Variants in SPOCK3 observed in about 807,000 individuals in gnomAD.
SPOCK3 encodes SPARC (osteonectin), cwcv and kazal like domains proteoglycan 3.
A neutral mutation model predicts 56.6 loss-of-function variants in SPOCK3; 30 were observed. That is an observed-to-expected ratio of 0.53 (90% CI 0.40 to 0.72). SPOCK3 has a LOEUF of 0.72. Ranked by LOEUF, SPOCK3 falls within the 30% of genes least tolerant of loss-of-function variation. SPOCK3 has a pLI of 0.00. For synonymous variants in SPOCK3, 196 were observed against 183.3 expected, an observed-to-expected ratio of 1.07 and a Z score of -0.56; for missense variants, 527 against 530.0, an observed-to-expected ratio of 0.99 and a Z score of 0.06.
At chr4:167,013,608 G>A (rs1403388071) in intron 3 of SPOCK3, among the ~76,000 whole-genome samples, 1 of 151,550 alleles carries the variant, frequency 6.6e-6, no homozygotes, top group Non-Finnish European at 1.5e-5. Context: ...ATATAATAAA[G>A]ATGAAGATAC....
intron 5 of SPOCK3, among the ~76,000 whole-genome samples, chr4:166,905,751 T>C (rs1441667939): frequency 6.6e-6 from 1 of 151,876 alleles, no homozygotes; most frequent in African/African-American, 2.4e-5. Context: ...GACAAAACAT[T>C]ACTAGAAATA....
chr4:167,217,766 G>T (rs1413149336), intron 2 of SPOCK3, among the ~76,000 whole-genome samples: 1 of 151,968 alleles, frequency 6.6e-6, no homozygotes, highest in Non-Finnish European at 1.5e-5. Context: ...TATAACATGT[G>T]CCCAACTTAA....
chr4:166,932,395 C>T (rs974448901), intron 4 of SPOCK3, among the ~76,000 whole-genome samples: 3 of 152,236 alleles, frequency 2.0e-5, no homozygotes, highest in African/African-American at 4.8e-5. Context: ...TAATATCATG[C>T]TTTTCCCTCA....
chr4:167,222,983 TTATATTTTATATATGAATA>T (rs1447012550), intron 2 of SPOCK3, among the ~76,000 whole-genome samples: 1 of 126,222 alleles, frequency 7.9e-6, no homozygotes, highest in Non-Finnish European at 1.6e-5. Flanking sequence ...TGAATATATA[TTATATTTTATATATGAATA>T]TATATTTTAT....
chr4:167,097,009 C>T (rs1443785244), intron 2 of SPOCK3, among the ~76,000 whole-genome samples: 2 of 151,636 alleles, frequency 1.3e-5, no homozygotes, highest in African/African-American at 2.4e-5. Flanking sequence ...TTGTGTAATG[C>T]CCCCCTCTAT....
At position 166,734,139 on chromosome 4, in the gene SPOCK3, T is replaced by G. The variant is rs912962548; in HGVS notation, c.*782A>C. 2 of 151,908 alleles carry G rather than the reference T, an allele frequency of 1.3e-5. No homozygotes were observed. Among genetic ancestry groups the G allele is most frequent in the African/African-American group, 4.8e-5 (2 of 41,434 alleles). 9.4% of individuals were successfully genotyped at this position (151,908 alleles called of 1,614,324 possible). On this transcript the variant is annotated 3_prime_UTR_variant, in exon 11 of 11. Coordinates refer to ENST00000357545, the MANE Select transcript of SPOCK3 (RefSeq NM_001040159.2). Reference sequence around the variant, plus strand: ...TTTCCCTTTGTCTTCCTAATTTAAATTCTGCTCCCTAAGTTGCTGGTCAGA... The same window carrying G: ...TTTCCCTTTGTCTTCCTAATTTAAAGTCTGCTCCCTAAGTTGCTGGTCAGA...
intron 6 of SPOCK3, among the ~76,000 whole-genome samples, chr4:166,857,196 A>G (rs1730782078): frequency 6.6e-6 from 1 of 152,224 alleles, no homozygotes; most frequent in Admixed American, 6.5e-5. Flanking sequence ...CTCTCTGTTT[A>G]TCCAGCTCAC....
chr4:167,080,356 TTTGA>T (rs1397657784), intron 2 of SPOCK3, among the ~76,000 whole-genome samples: 1 of 152,082 alleles, frequency 6.6e-6, no homozygotes, highest in Non-Finnish European at 1.5e-5. Context: ...AATTAGTTAT[TTTGA>T]TTGATTAACT....
intron 5 of SPOCK3, among the ~76,000 whole-genome samples, chr4:166,909,119 A>G (rs1045324970): frequency 6.6e-6 from 1 of 152,082 alleles, no homozygotes; most frequent in Non-Finnish European, 1.5e-5. Context: ...AAATGTCCCA[A>G]GATTTTTTCA....
chr4:166,920,133 C>G (rs17052671), intron 4 of SPOCK3, among the ~76,000 whole-genome samples: 1 of 151,922 alleles, frequency 6.6e-6, no homozygotes, highest in Non-Finnish European at 1.5e-5. Context: ...ATCCTTTCCA[C>G]TGGGCCATTT....
At chr4:167,121,970 A>T (rs1281499526) in intron 2 of SPOCK3, among the ~76,000 whole-genome samples, 1 of 151,954 alleles carries the variant, frequency 6.6e-6, no homozygotes, top group African/African-American at 2.4e-5. Context: ...ACAAAAAGAA[A>T]CCTGTGAATT....
intron 3 of SPOCK3, among the ~76,000 whole-genome samples, chr4:167,008,652 A>G (rs1002760769): frequency 6.6e-6 from 1 of 152,186 alleles, no homozygotes; most frequent in Non-Finnish European, 1.5e-5. Flanking sequence ...GTAAGACTAT[A>G]CAGCCATAAG....
intron 3 of SPOCK3, among the ~76,000 whole-genome samples, chr4:167,041,638 G>A (rs1156649156): frequency 6.6e-6 from 1 of 152,004 alleles, no homozygotes; most frequent in Non-Finnish European, 1.5e-5. Flanking sequence ...CTCTAACAAG[G>A]GGCAAAATCA....
At chr4:166,893,420 C>A (rs573610426) in intron 5 of SPOCK3, among the ~76,000 whole-genome samples, 5 of 151,938 alleles carry the variant, frequency 3.3e-5, no homozygotes, top group African/African-American at 9.7e-5. Context: ...TCAGCTAAAG[C>A]GAGAAAAGAT....
At chr4:167,049,447 C>G (rs563088411) in intron 3 of SPOCK3, among the ~76,000 whole-genome samples, 1 of 152,256 alleles carries the variant, frequency 6.6e-6, no homozygotes, top group African/African-American at 2.4e-5. Context: ...ACACACTAGA[C>G]TCGCTGGTGT....
chr4:167,104,517 G>C (rs1477856178), intron 2 of SPOCK3, among the ~76,000 whole-genome samples: 1 of 152,010 alleles, frequency 6.6e-6, no homozygotes. Flanking sequence ...CTTGAAGACA[G>C]GCTATTTAAA....
chr4:167,179,198 C>A (rs997086351), intron 2 of SPOCK3, among the ~76,000 whole-genome samples: 1 of 152,082 alleles, frequency 6.6e-6, no homozygotes, highest in Admixed American at 6.6e-5. Context: ...TGTTTCATTC[C>A]ATTGTTACAA....
chr4:167,052,480 C>T (rs1043941832), intron 3 of SPOCK3, among the ~76,000 whole-genome samples: 3 of 152,128 alleles, frequency 2.0e-5, no homozygotes, highest in Non-Finnish European at 4.4e-5. Context: ...ATATTCAAAA[C>T]TCCTAAATCA....
chr4:166,792,129 A>G (rs780779523), intron 7 of SPOCK3, 41 bp downstream of exon 7: 18 of 1,611,704 alleles, frequency 1.1e-5, no homozygotes, highest in Non-Finnish European at 1.7e-6. Context: ...ATAAAACTTC[A>G]TAACAGATAC....
Sources: gnomAD v4.1 joint callset for allele counts (sites outside exome capture counted in the v4.1 genomes callset) on GRCh38, gnomAD v4.1.1 for gene constraint, MANE v1.5 for transcripts, NCBI Gene and HGNC (gene_info 2026-07-23, HGNC 2026-07-21) for gene names.